The following HEATR4 variants were observed in gnomAD, a reference collection of about 807,000 sequenced individuals.
HEATR4 encodes the protein HEAT repeat-containing protein 4.
Under a neutral mutation model 108.8 loss-of-function variants are expected in HEATR4, and 95 were observed. The observed-to-expected ratio is 0.87, with a 90% CI of 0.74 to 1.04. The LOEUF (loss-of-function observed/expected upper bound fraction) is 1.04, where lower values mean the gene tolerates loss of function less well. Among genes scored for constraint, HEATR4 ranks in the 50% least tolerant of loss-of-function variants. HEATR4 has a pLI of 0.00. For missense variants in HEATR4, 1,152 were observed against 1,253.8 expected (o/e 0.92, Z 1.23); for synonymous variants, 443 against 459.4 (o/e 0.96, Z 0.46).
At chr14:73,564,473 G>A in the HEATR4 span, among the ~76,000 whole-genome samples, 1 of 151,482 alleles carries the variant, frequency 6.6e-6, no homozygotes, top group African/African-American at 2.4e-5. Flanking sequence ...AGGTGTGGTG[G>A]TGCATGCCTG....
Position 73,492,513 on chromosome 14 carries a change from A to G in HEATR4, c.2844+553T>C. 6.2e-7 allele frequency: 1 copy of G among 1,613,592 alleles called. No homozygotes were observed. Among genetic ancestry groups the G allele is most frequent in the South Asian group, 1.1e-5 (1 of 91,034 alleles). On this transcript the variant is annotated intron_variant, in intron 17 of 17. Coordinates refer to ENST00000553558, the MANE Select transcript of HEATR4 (RefSeq NM_001220484.1). The surrounding 1 kb of genome is among the most constrained non-coding windows in gnomAD (Gnocchi z 4.9). ...TTTGCTCCTGTTGATGCTGTGGCCG[A>G]CCAGCGAGCCAAAGACTTCATTCAC...
chr14:73,607,921 G>A, the HEATR4 span, among the ~76,000 whole-genome samples: 1 of 151,726 alleles, frequency 6.6e-6, no homozygotes, highest in African/African-American at 2.4e-5. Context: ...ACCATGCCCA[G>A]CGGGGTTTTC....
Position 73,498,252 on chromosome 14 carries a change from C to G in HEATR4, c.2449G>C (p.Ala817Pro). 6.2e-7 allele frequency: 1 copy of G among 1,614,090 alleles called. No individual in the cohort carries two copies. The highest frequency in any genetic ancestry group is 1.1e-5 in the South Asian group (1 of 91,070). ...TTCAGGGCTAGGATGCTACGGCAAGCTTCCAGCCGTACACCTGGTGACTCT... is the reference window on the plus strand; with the variant it reads ...TTCAGGGCTAGGATGCTACGGCAAGGTTCCAGCCGTACACCTGGTGACTCT... ...YEESPGVRLE[A>P]CRSILALKLQ... The change falls in exon 14 of 18, where the codon GCT becomes CCT. Residue 817 changes from alanine (A) to proline (P), a missense_variant. Coordinates refer to ENST00000553558, the MANE Select transcript of HEATR4 (RefSeq NM_001220484.1).
chr14:73,576,908 C>A, the HEATR4 span, among the ~76,000 whole-genome samples: 1 of 141,600 alleles, frequency 7.1e-6, no homozygotes. Flanking sequence ...GAAAAAAAAC[C>A]TTAATTTATT....
chr14:73,616,381 G>A, the HEATR4 span, among the ~76,000 whole-genome samples: 2 of 151,938 alleles, frequency 1.3e-5, no homozygotes, highest in Non-Finnish European at 2.9e-5. Context: ...GCAGTGGTGT[G>A]ACAATAATTT....
At chr14:73,597,591 C>CTTTTTTTTTTTTTTTTTTTTTTTTTTTT in the HEATR4 span, among the ~76,000 whole-genome samples, 29 of 98,190 alleles carry the variant, frequency 3.0e-4, no homozygotes, top group African/African-American at 5.6e-4. Flanking sequence ...TTTTTCTTTT[C>CTTTTTTTTTTTTTTTTTTTTTTTTTTTT]TTTTTTTTTT....
In HEATR4 at chr14:73,537,665, T is replaced by C; in HGVS notation, c.-151-7421A>G. 2 of 1,242,710 alleles carry C rather than the reference T, an allele frequency of 1.6e-6. 1 individual carries two copies. The highest frequency in any genetic ancestry group is 2.1e-6 in the Non-Finnish European group (2 of 938,204). The allele number at this position is 1,242,710 out of a possible 1,614,324, so 77.0% of individuals were successfully genotyped here. On this transcript the variant is annotated intron_variant, in intron 1 of 17. Transcript: ENST00000553558. ...GGGGCTTGAGCCCATGGGGCTGCTC[T>C]GGGCCTTGGAGCCCGAGAAACCCTT...
At position 73,532,155 on chromosome 14, in the gene HEATR4, G is replaced by A. The variant is rs1330083054; in HGVS notation, c.-151-1911C>T. The stretch of plus-strand genomic sequence containing the variant: ...ACATGACCACATAGCTCTGGCAGGC[G>A]TCAGATTACCAGGCTGATAAAACAG... On this transcript the variant is annotated intron_variant, in intron 1 of 17. Transcript: ENST00000553558. Among the ~76,000 whole-genome samples, 7 of 116,034 alleles carry A rather than the reference G, an allele frequency of 6.0e-5. 1 individual carries two copies. Among genetic ancestry groups the A allele is most frequent in the Non-Finnish European group, 1.3e-4 (7 of 53,086 alleles). The allele number at this position is 116,034 out of a possible 152,430, so 76.1% of individuals were successfully genotyped here. A position where few individuals can be genotyped will look rare whatever the true frequency, so the allele number is the denominator to read the frequency against.
chr14:73,551,293 T>C lies in HEATR4; in HGVS notation c.-152+7458A>G, dbSNP rs1282953670. On this transcript the variant is annotated intron_variant, in intron 1 of 17. Transcript: ENST00000553558. Reference sequence around the variant, plus strand: ...CTTTAAAAACCCTGTTACAGGTAGTTAGACATGAGCAGGGAAGGAGAGGGC... The same window carrying C: ...CTTTAAAAACCCTGTTACAGGTAGTCAGACATGAGCAGGGAAGGAGAGGGC... Among the ~76,000 whole-genome samples, 2 of 115,284 alleles carry C rather than the reference T, an allele frequency of 1.7e-5. 1 individual carries two copies. The highest frequency in any genetic ancestry group is 2.0e-4 in the Admixed American group (2 of 10,138). The allele number at this position is 115,284 out of a possible 152,430, so 75.6% of individuals were successfully genotyped here.
At chr14:73,483,163 T>C (rs571217656) in intron 17 of HEATR4, among the ~76,000 whole-genome samples, 3 of 152,204 alleles carry the variant, frequency 2.0e-5, no homozygotes, top group Non-Finnish European at 4.4e-5. Context: ...CTCTAGTTAA[T>C]AAAATTGTTT....
chr14:73,564,195 G>A, the HEATR4 span, among the ~76,000 whole-genome samples: 6 of 151,568 alleles, frequency 4.0e-5, no homozygotes, highest in African/African-American at 1.2e-4. Context: ...CTACTCAAGA[G>A]GCTGAGGCAG....
chr14:73,590,866 C>G, the HEATR4 span, among the ~76,000 whole-genome samples: 1 of 152,190 alleles, frequency 6.6e-6, no homozygotes, highest in African/African-American at 2.4e-5. Context: ...CTTGGCCAGC[C>G]CAGAAAGGGG....
chr14:73,606,582 C>T, the HEATR4 span, among the ~76,000 whole-genome samples: 9 of 152,102 alleles, frequency 5.9e-5, no homozygotes, highest in Admixed American at 2.0e-4. Flanking sequence ...AGGAAGCAGG[C>T]AAGGTGAACC....
intron 2 of HEATR4, chr14:73,529,262 G>A (rs1278976038): frequency 1.3e-5 from 2 of 150,188 alleles, no homozygotes; most frequent in Non-Finnish European, 2.9e-5. Context: ...GGCTAAGACA[G>A]GAGAATTGCT....
At chr14:73,527,522 T>G (rs1469443487) in intron 2 of HEATR4, 1 of 147,860 alleles carries the variant, frequency 6.8e-6, no homozygotes. Flanking sequence ...GTTTCTTTAC[T>G]TCTCTAATAA....
chr14:73,569,971 C>CT, the HEATR4 span: 1 of 1,395,266 alleles, frequency 7.2e-7, no homozygotes, highest in Non-Finnish European at 9.3e-7. Context: ...TATGTGTATG[C>CT]CCCCCCGCCG....
At chr14:73,565,744 G>A in the HEATR4 span, among the ~76,000 whole-genome samples, 1 of 152,054 alleles carries the variant, frequency 6.6e-6, no homozygotes, top group Non-Finnish European at 1.5e-5. Flanking sequence ...GGCTTCAGGA[G>A]TGAAGCTACA....
chr14:73,584,905 A>G, the HEATR4 span, among the ~76,000 whole-genome samples: 747 of 150,780 alleles, frequency 5.0e-3, 1 homozygote, highest in African/African-American at 0.017. Context: ...AGCACCCCAT[A>G]AACACTCCAG....
the HEATR4 span, among the ~76,000 whole-genome samples, chr14:73,600,721 G>A: frequency 6.6e-6 from 1 of 151,820 alleles, no homozygotes; most frequent in Non-Finnish European, 1.5e-5. Context: ...AAAATGCTGG[G>A]ATTACAGGCA....
Sources: allele counts gnomAD v4.1 joint callset (sites outside exome capture counted in the v4.1 genomes callset), GRCh38; gene constraint gnomAD v4.1.1; non-coding constraint Gnocchi (gnomAD v3.1); transcripts MANE v1.5; gene names NCBI Gene and HGNC (gene_info 2026-07-23, HGNC 2026-07-21).